The following CADM1 variants were observed in gnomAD, a reference collection of about 807,000 sequenced individuals.
CADM1 encodes cell adhesion molecule 1, also known as TSLC-1.
Under a neutral mutation model 53.1 loss-of-function variants are expected in CADM1, and 15 were observed. The ratio of observed to expected loss-of-function variants is 0.28; its 90% confidence interval spans 0.19 to 0.44. CADM1 has a LOEUF of 0.44. Among genes scored for constraint, CADM1 ranks in the 20% least tolerant of loss-of-function variants. CADM1 has a pLI of 1.00. For synonymous variants in CADM1, 281 were observed against 243.0 expected (o/e 1.16, Z -1.45); for missense variants, 434 against 611.3 (o/e 0.71, Z 3.06).
intron 1 of CADM1, among the ~76,000 whole-genome samples, chr11:115,261,926 C>T (rs1264861128): frequency 6.6e-6 from 1 of 151,868 alleles, no homozygotes; most frequent in African/African-American, 2.4e-5. Flanking sequence ...ATTACAGGCA[C>T]GTGCCACCAC....
chr11:115,231,301 A>C, intron 4 of CADM1, 52 bp downstream of exon 4: 1 of 1,595,838 alleles, frequency 6.3e-7, no homozygotes. Flanking sequence ...TCACAAAGGC[A>C]TATCTGCTAG....
chr11:115,202,944 G>A (rs904136248), intron 8 of CADM1, among the ~76,000 whole-genome samples: 1 of 151,262 alleles, frequency 6.6e-6, no homozygotes. Context: ...ATTTTCTCCT[G>A]GTTTCCTGGC....
At chr11:115,183,100 C>T (rs1939387791) in intron 10 of CADM1, among the ~76,000 whole-genome samples, 3 of 152,196 alleles carry the variant, frequency 2.0e-5, no homozygotes, top group Admixed American at 2.0e-4. Flanking sequence ...ATCCATTCCT[C>T]ATGGGCAATA....
chr11:115,334,252 G>C (rs1291903183), intron 1 of CADM1, among the ~76,000 whole-genome samples: 2 of 152,164 alleles, frequency 1.3e-5, no homozygotes, highest in African/African-American at 4.8e-5. Flanking sequence ...TCACCAGAGT[G>C]TGGACCTAAA....
intron 1 of CADM1, among the ~76,000 whole-genome samples, chr11:115,390,302 G>A (rs952522567): frequency 2.0e-5 from 3 of 151,852 alleles, no homozygotes; most frequent in African/African-American, 7.3e-5. Flanking sequence ...TATTCTACAA[G>A]TCGAACTGGA....
intron 1 of CADM1, among the ~76,000 whole-genome samples, chr11:115,476,262 T>A (rs1949128656): frequency 6.6e-6 from 1 of 152,186 alleles, no homozygotes; most frequent in Non-Finnish European, 1.5e-5. Flanking sequence ...AATTTTATAA[T>A]ATAAAAACAA....
chr11:115,390,017 T>C (rs1946794958), intron 1 of CADM1, among the ~76,000 whole-genome samples: 1 of 152,062 alleles, frequency 6.6e-6, no homozygotes, highest in African/African-American at 2.4e-5. Flanking sequence ...CAGTCGTAAG[T>C]GGTACTTATT....
At chr11:115,179,362 A>G (rs997150302) in intron 10 of CADM1, among the ~76,000 whole-genome samples, 1 of 152,134 alleles carries the variant, frequency 6.6e-6, no homozygotes, top group Non-Finnish European at 1.5e-5. Flanking sequence ...AAACCTAAAA[A>G]CCTATTTCAA....
intron 10 of CADM1, among the ~76,000 whole-genome samples, chr11:115,188,083 A>C (rs985080428): frequency 2.6e-5 from 4 of 151,956 alleles, no homozygotes; most frequent in Non-Finnish European, 5.9e-5. Context: ...TTACCACCTC[A>C]CTCCACTAAA....
intron 1 of CADM1, among the ~76,000 whole-genome samples, chr11:115,474,071 G>C (rs1949073744): frequency 6.6e-6 from 1 of 151,802 alleles, no homozygotes. Flanking sequence ...GAGGTGGGCG[G>C]ATCATGGGGT....
intron 1 of CADM1, among the ~76,000 whole-genome samples, chr11:115,420,219 T>C (rs189030870): frequency 2.6e-5 from 4 of 152,242 alleles, no homozygotes; most frequent in African/African-American, 9.6e-5. Context: ...ATGTGTATAG[T>C]GTAACAAGGA....
At chr11:115,311,746 CTTTTTCATGTT>C (rs1423626561) in intron 1 of CADM1, among the ~76,000 whole-genome samples, 1 of 152,066 alleles carries the variant, frequency 6.6e-6, no homozygotes, top group Non-Finnish European at 1.5e-5. Flanking sequence ...GGAAAACTCT[CTTTTTCATGTT>C]ATCATTTTTA....
chr11:115,455,551 A>C (rs757958266), intron 1 of CADM1, among the ~76,000 whole-genome samples: 22 of 152,192 alleles, frequency 1.4e-4, no homozygotes, highest in Non-Finnish European at 3.2e-4. Flanking sequence ...AAAAGATTCC[A>C]GTAGAGTCAA....
intron 1 of CADM1, among the ~76,000 whole-genome samples, chr11:115,376,576 A>T (rs1946443377): frequency 6.6e-6 from 1 of 152,244 alleles, no homozygotes; most frequent in Non-Finnish European, 1.5e-5. Flanking sequence ...AATGGTTTCA[A>T]GATGAAAAAA....
intron 5 of CADM1, among the ~76,000 whole-genome samples, chr11:115,220,488 CTT>C (rs1370571985): frequency 6.6e-6 from 1 of 152,158 alleles, no homozygotes; most frequent in Non-Finnish European, 1.5e-5. Flanking sequence ...CCAATTTACT[CTT>C]TAAGTTCTGG....
At chr11:115,355,692 CAA>C (rs1344718347) in intron 1 of CADM1, among the ~76,000 whole-genome samples, 1 of 146,298 alleles carries the variant, frequency 6.8e-6, no homozygotes, top group Admixed American at 7.0e-5. Context: ...AGATTTAGCT[CAA>C]GTTTAAATTA....
intron 1 of CADM1, among the ~76,000 whole-genome samples, chr11:115,406,324 G>C (rs1947311283): frequency 6.6e-6 from 1 of 151,404 alleles, no homozygotes; most frequent in African/African-American, 2.4e-5. Context: ...ATATATAAAA[G>C]ATGTTAAGAT....
intron 8 of CADM1, chr11:115,207,422 C>A (rs1487163958): frequency 1.3e-5 from 2 of 152,064 alleles, no homozygotes; most frequent in Non-Finnish European, 2.9e-5. Flanking sequence ...TAAATGGAGT[C>A]TCTGCAGTCG....
intron 1 of CADM1, among the ~76,000 whole-genome samples, chr11:115,439,258 T>C (rs903062413): frequency 6.6e-6 from 1 of 152,178 alleles, no homozygotes; most frequent in Non-Finnish European, 1.5e-5. Context: ...GATAATATTA[T>C]GGACATACAG....
Sources: allele counts gnomAD v4.1 joint callset (sites outside exome capture counted in the v4.1 genomes callset), GRCh38; gene constraint gnomAD v4.1.1; transcripts MANE v1.5; gene names NCBI Gene and HGNC (gene_info 2026-07-23, HGNC 2026-07-21).